Variants in FREM2 observed in about 807,000 individuals in gnomAD.
FREM2 encodes the protein FRAS1-related extracellular matrix protein 2.
In FREM2, 119 loss-of-function variants were observed where a neutral mutation model predicts 219.9. That is an observed-to-expected ratio of 0.54 (90% CI 0.47 to 0.63). The LOEUF (loss-of-function observed/expected upper bound fraction) is 0.63. Ranked by LOEUF, FREM2 falls within the 30% of genes least tolerant of loss-of-function variation. The pLI, the probability that FREM2 is intolerant of heterozygous loss-of-function variation, is 0.00. For missense variants in FREM2, 4,030 were observed against 3,993.6 expected (o/e 1.01, Z -0.25); for synonymous variants, 1,562 against 1,522.8 (o/e 1.03, Z -0.60).
At chr13:38,743,136 T>C (rs1364729760) in intron 2 of FREM2, among the ~76,000 whole-genome samples, 1 of 152,058 alleles carries the variant, frequency 6.6e-6, no homozygotes, top group Non-Finnish European at 1.5e-5. Context: ...AGCCCCAATG[T>C]GAGGGTCTCC....
rs558014322 is a variant in FREM2 at position 38,876,152 on chromosome 13, A to C, written c.8409+3A>C. ...GGAGCTTTGTCTCTGACTTTGCCGTAAGTGACTAAGACTCTTAATTAATTT... is the reference window on the plus strand; with the variant it reads ...GGAGCTTTGTCTCTGACTTTGCCGTCAGTGACTAAGACTCTTAATTAATTT... On this transcript the variant is annotated splice_donor_region_variant and intron_variant, in intron 19 of 23. Coordinates refer to ENST00000280481, the MANE Select transcript of FREM2 (RefSeq NM_207361.6). 1 of 1,614,144 alleles carries C rather than the reference A, an allele frequency of 6.2e-7. No homozygotes were observed. The highest frequency in any genetic ancestry group is 1.3e-5 in the African/African-American group (1 of 75,028).
rs542489432 is a variant in FREM2, at chr13:38,875,256, G to T, written c.8281+670G>T. 1.6e-3 allele frequency among the ~76,000 whole-genome samples: 240 copies of T among 151,656 alleles called. 1 individual carries two copies. The highest frequency in any genetic ancestry group is 2.5e-3 in the Non-Finnish European group (172 of 67,902). On this transcript the variant is annotated intron_variant, in intron 18 of 23. Coordinates refer to ENST00000280481, the MANE Select transcript of FREM2 (RefSeq NM_207361.6). ...ACATGGAGAGTCAAATAAAAAATAAGCCATTTTTCTGCCAGCTTATATTAG... is the reference window on the plus strand; with the variant it reads ...ACATGGAGAGTCAAATAAAAAATAATCCATTTTTCTGCCAGCTTATATTAG...
chr13:38,834,417 T>C (rs1040537765), intron 6 of FREM2, among the ~76,000 whole-genome samples: 4 of 152,194 alleles, frequency 2.6e-5, no homozygotes, highest in African/African-American at 4.8e-5. Context: ...CAGTCTAACG[T>C]TGATGGACAT....
At chr13:38,802,400 C>T (rs188705557) in intron 6 of FREM2, among the ~76,000 whole-genome samples, 210 of 151,990 alleles carry the variant, frequency 1.4e-3, no homozygotes, top group Middle Eastern at 0.01. Context: ...CAACATCAGC[C>T]CCAGCTCCAG....
In FREM2 at chr13:38,880,356, A is replaced by G. The variant is rs754540655; in HGVS notation, c.9079A>G (p.Ile3027Val). Residue 3027 changes from isoleucine to valine, a missense_variant, in exon 24 of 24, where the codon ATT (isoleucine) becomes GTT (valine). By Grantham distance (29) the Ile-to-Val change is conservative. This residue lies in a region of FREM2 where 928 missense variants were observed against 1,042.9 expected (regional missense o/e 0.89). Coordinates refer to ENST00000280481, the MANE Select transcript of FREM2 (RefSeq NM_207361.6). ...VRSKDNANRG[I>V]GKRSVEYHSL... is the part of the protein sequence containing the mutation. Reference sequence around the variant, plus strand: ...ATCGAAAGACAATGCCAATCGAGGTATTGGCAAAAGAAGTGTGGAGTACCA... The same window carrying G: ...ATCGAAAGACAATGCCAATCGAGGTGTTGGCAAAAGAAGTGTGGAGTACCA... 1 of 1,614,140 alleles carries G rather than the reference A, an allele frequency of 6.2e-7. No individual in the cohort carries two copies. Among genetic ancestry groups the G allele is most frequent in the Non-Finnish European group, 8.5e-7 (1 of 1,180,012 alleles).
In FREM2 at chr13:38,839,266, G is replaced by C. The variant is rs117456064; in HGVS notation, c.6020-7307G>C. On this transcript the variant is annotated intron_variant, in intron 6 of 23. Transcript: ENST00000280481. ...TTGCTGTGGTTCCCCTCCAGACCCC[G>C]TTTGCCTGGGTATCACCAGCAGAGG... 3.3e-3 allele frequency among the ~76,000 whole-genome samples: 500 copies of C among 152,232 alleles called. 1 individual carries two copies. Among genetic ancestry groups the C allele is most frequent in the Non-Finnish European group, 4.6e-3 (315 of 67,998 alleles).
rs71917471 is a variant in FREM2 at position 38,747,395 on chromosome 13, A to ATGTGTGTGTGTGTGTGTGTGTGTG, written c.5264-16899_5264-16876dup. ...CTTGAGGGCATAAAGCTGATATAATATGTGTGTGTGTGTGTGTGTGTGTGT... is the reference window on the plus strand; with the variant it reads ...CTTGAGGGCATAAAGCTGATATAATATGTGTGTGTGTGTGTGTGTGTGTGTGTGTGTGTGTGTGTGTGTGTGTGT... On this transcript the variant is annotated intron_variant, in intron 2 of 23. Transcript: ENST00000280481. 1.4e-3 allele frequency among the ~76,000 whole-genome samples: 207 copies of ATGTGTGTGTGTGTGTGTGTGTGTG among 142,980 alleles called. 1 individual carries two copies. The highest frequency in any genetic ancestry group is 5.3e-3 in the African/African-American group (200 of 37,998). 93.8% of individuals were successfully genotyped at this position (142,980 alleles called of 152,430 possible). A position where few individuals can be genotyped will look rare whatever the true frequency, so the allele number is the denominator to read the frequency against.
At chr13:38,728,499 A>T (rs1265948458) in intron 2 of FREM2, among the ~76,000 whole-genome samples, 1 of 151,580 alleles carries the variant, frequency 6.6e-6, no homozygotes, top group African/African-American at 2.4e-5. Flanking sequence ...TCCACTTCCC[A>T]TACACAAGTG....
intron 2 of FREM2, among the ~76,000 whole-genome samples, chr13:38,754,146 G>A (rs1872887655): frequency 6.6e-6 from 1 of 151,968 alleles, no homozygotes; most frequent in Non-Finnish European, 1.5e-5. Flanking sequence ...AGCTTCCCTG[G>A]ATTTTGGCTT....
intron 17 of FREM2, among the ~76,000 whole-genome samples, 157 bp downstream of exon 17, chr13:38,873,091 A>G (rs1184182281): frequency 6.6e-6 from 1 of 152,170 alleles, no homozygotes; most frequent in Non-Finnish European, 1.5e-5. Flanking sequence ...TTCATCAAAA[A>G]ACTCTTTAAA....
In FREM2 at chr13:38,691,434, A is replaced by G; in HGVS notation, c.4090A>G (p.Ile1364Val). 6.2e-7 allele frequency: 1 copy of G among 1,614,180 alleles called. No individual in the cohort carries two copies. ...AAAACCTACTGGTGCCTTTGAAAAT[A>G]TCACACTGGGCATGAATTTTACCCA... Reference protein sequence around the residue: ...RRKPTGAFENITLGMNFTQDE... With the variant: ...RRKPTGAFENVTLGMNFTQDE... The change falls in exon 1 of 24, where the codon ATC (isoleucine) becomes GTC (valine). Residue 1364 changes from isoleucine to valine, a missense_variant. Around this residue, in one of 2 missense-constraint regions of FREM2, gnomAD observed 3,102 missense variants for 2,950.7 expected, o/e 1.05. Coordinates refer to ENST00000280481, the MANE Select transcript of FREM2 (RefSeq NM_207361.6).
At chr13:38,864,004 A>G (rs999109803) in intron 15 of FREM2, among the ~76,000 whole-genome samples, 2 of 151,584 alleles carry the variant, frequency 1.3e-5, no homozygotes, top group Non-Finnish European at 2.9e-5. Flanking sequence ...AGCTATTGTA[A>G]TTTTGGTAGA....
At chr13:38,736,630 A>G (rs1239823912) in intron 2 of FREM2, among the ~76,000 whole-genome samples, 1 of 152,170 alleles carries the variant, frequency 6.6e-6, no homozygotes, top group Non-Finnish European at 1.5e-5. Context: ...TTTGAACATG[A>G]GGATTATGGA....
chr13:38,830,484 C>T (rs1410633268), intron 6 of FREM2, among the ~76,000 whole-genome samples: 1 of 152,228 alleles, frequency 6.6e-6, no homozygotes, highest in African/African-American at 2.4e-5. Context: ...TCTAACTCTG[C>T]TTCAGTCCAT....
At chr13:38,813,976 A>T (rs1875650759) in intron 6 of FREM2, among the ~76,000 whole-genome samples, 1 of 151,992 alleles carries the variant, frequency 6.6e-6, no homozygotes, top group African/African-American at 2.4e-5. Context: ...TTCCAATATT[A>T]ATAGACTCAG....
At chr13:38,788,542 A>C (rs1173303435) in intron 6 of FREM2, among the ~76,000 whole-genome samples, 1 of 152,170 alleles carries the variant, frequency 6.6e-6, no homozygotes, top group Non-Finnish European at 1.5e-5. Flanking sequence ...GCGATATCAA[A>C]TGTCAACACT....
chr13:38,844,810 C>A (rs9548496), intron 6 of FREM2, among the ~76,000 whole-genome samples: 1 of 152,064 alleles, frequency 6.6e-6, no homozygotes, highest in Non-Finnish European at 1.5e-5. Flanking sequence ...GTGATAGTTA[C>A]GGAAGCCTTT....
chr13:38,728,219 A>G (rs190004337), intron 2 of FREM2, among the ~76,000 whole-genome samples: 22 of 152,052 alleles, frequency 1.4e-4, no homozygotes, highest in Admixed American at 1.4e-3. Context: ...AATTTTCTGA[A>G]TCTCTGATAA....
chr13:38,688,203 C>T lies in FREM2; in HGVS notation c.859C>T (p.Arg287Cys), dbSNP rs763117886. 11 of 1,613,150 alleles carry T rather than the reference C, an allele frequency of 6.8e-6. 1 individual carries two copies. The South Asian group carries it at 8.8e-5, about 13-fold the overall frequency. The change falls in exon 1 of 24, where the codon CGT (arginine) becomes TGT (cysteine). Residue 287 changes from arginine to cysteine, a missense_variant. By Grantham distance (180) the Arg-to-Cys change is radical. Transcript: ENST00000280481. ...CTGGATACCCATGGTGGTGGAGCTG[C>T]GTTCACGAGGGGCTCCTGTGGGCAG... ...RDWIPMVVEL[R>C]SRGAPVGSPA...
Sources: allele counts gnomAD v4.1 joint callset (sites outside exome capture counted in the v4.1 genomes callset), GRCh38; gene constraint gnomAD v4.1.1; regional missense constraint gnomAD v4.1.1; transcripts MANE v1.5; gene names NCBI Gene and HGNC (gene_info 2026-07-23, HGNC 2026-07-21).